The following RASA2 variants were observed in gnomAD, a reference collection of about 807,000 sequenced individuals.
RASA2 encodes the protein ras GTPase-activating protein 2.
In RASA2, 155 loss-of-function variants were observed where a neutral mutation model predicts 118.2. The observed-to-expected ratio is 1.31, with a 90% CI of 1.15 to 1.50. The LOEUF (loss-of-function observed/expected upper bound fraction) is 1.50, where lower values mean the gene tolerates loss of function less well. RASA2 is among the 40% of genes most tolerant of loss of function. The pLI, the probability that RASA2 is intolerant of heterozygous loss-of-function variation, is 0.00. For missense variants in RASA2, 1,016 were observed against 1,009.6 expected, an observed-to-expected ratio of 1.01 and a Z score of -0.09; for synonymous variants, 353 against 349.1, an observed-to-expected ratio of 1.01 and a Z score of -0.12.
chr3:141,507,398 G>T (rs1022886638), intron 1 of RASA2, among the ~76,000 whole-genome samples: 1 of 152,174 alleles, frequency 6.6e-6, no homozygotes, highest in African/African-American at 2.4e-5. Flanking sequence ...CAAGGCTGAA[G>T]AAACAGACTC....
intron 14 of RASA2, among the ~76,000 whole-genome samples, chr3:141,574,675 A>G (rs945090643): frequency 3.3e-5 from 5 of 152,364 alleles, no homozygotes; most frequent in Admixed American, 2.0e-4. Context: ...GTAACATTAT[A>G]TAAGTAAGCA....
chr3:141,543,876 CTTT>C (rs529631210), intron 5 of RASA2, among the ~76,000 whole-genome samples: 2 of 117,312 alleles, frequency 1.7e-5, no homozygotes, highest in Non-Finnish European at 1.7e-5. Context: ...TTTCTTTTTT[CTTT>C]TTTTTTTTTT....
intron 3 of RASA2, among the ~76,000 whole-genome samples, chr3:141,524,716 G>C (rs1284577008): frequency 6.6e-6 from 1 of 151,882 alleles, no homozygotes; most frequent in Non-Finnish European, 1.5e-5. Flanking sequence ...TCAGCCTCCC[G>C]AGTAGCTGGG....
rs796139626 is a variant in RASA2 at position 141,610,417 on chromosome 3, T to TA, written c.2519+351_2519+352insA. Among the ~76,000 whole-genome samples the TA allele has an allele frequency of 1.8e-4, 18 of 102,046 alleles. 1 individual carries two copies. Among genetic ancestry groups the TA allele is most frequent in the East Asian group, 3.4e-4 (1 of 2,936 alleles). 66.9% of individuals were successfully genotyped at this position (102,046 alleles called of 152,430 possible). Reference sequence around the variant, plus strand: ...TATATTTATATATTATATATTTATATTTATATATTATATATTTATATTTAT... The same window carrying TA: ...TATATTTATATATTATATATTTATATATTATATATTATATATTTATATTTAT... On this transcript the variant is annotated intron_variant, in intron 23 of 23. Coordinates refer to ENST00000286364, the MANE Select transcript of RASA2 (RefSeq NM_006506.5).
intron 1 of RASA2, among the ~76,000 whole-genome samples, chr3:141,500,923 G>GCT (rs2081769430): frequency 6.6e-6 from 1 of 151,838 alleles, no homozygotes; most frequent in African/African-American, 2.4e-5. Context: ...AGATTAACTG[G>GCT]CTAAGGAGTT....
At chr3:141,573,398 T>A (rs1442892037) in intron 13 of RASA2, among the ~76,000 whole-genome samples, 177 bp downstream of exon 13, 1 of 152,182 alleles carries the variant, frequency 6.6e-6, no homozygotes, top group African/African-American at 2.4e-5. Flanking sequence ...GAATGTTATT[T>A]CCTCAGTGGT....
At chr3:141,540,020 C>T (rs1439043066) in intron 4 of RASA2, among the ~76,000 whole-genome samples, 1 of 152,092 alleles carries the variant, frequency 6.6e-6, no homozygotes, top group East Asian at 1.9e-4. Context: ...CCCACAGTGC[C>T]TTCTGAAACA....
At chr3:141,502,675 G>T (rs1423060576) in intron 1 of RASA2, among the ~76,000 whole-genome samples, 2 of 152,056 alleles carry the variant, frequency 1.3e-5, no homozygotes, top group Non-Finnish European at 2.9e-5. Context: ...TATATATGAA[G>T]TCAATGAAAA....
At chr3:141,582,258 C>T (rs1003469305) in intron 17 of RASA2, among the ~76,000 whole-genome samples, 2 of 152,034 alleles carry the variant, frequency 1.3e-5, no homozygotes, top group African/African-American at 4.8e-5. Context: ...AAATTCAAGT[C>T]CGTTGGAATA....
intron 2 of RASA2, among the ~76,000 whole-genome samples, chr3:141,513,746 A>T (rs1280549779): frequency 1.3e-5 from 2 of 152,216 alleles, no homozygotes; most frequent in African/African-American, 4.8e-5. Flanking sequence ...ACAAGATCAG[A>T]TATGACTTCT....
intron 5 of RASA2, 109 bp from the exon 6 acceptor site, chr3:141,553,748 A>G: frequency 1.3e-6 from 2 of 1,488,916 alleles, no homozygotes; most frequent in South Asian, 2.9e-5. Context: ...CTGCAGACAC[A>G]TGGAAAACAA....
intron 2 of RASA2, among the ~76,000 whole-genome samples, chr3:141,513,732 C>T (rs73869653): frequency 0.013 from 1,998 of 152,270 alleles, 33 homozygotes; most frequent in African/African-American, 0.046. Context: ...CAACTGTTTT[C>T]TAGACAAGAT....
intron 6 of RASA2, among the ~76,000 whole-genome samples, chr3:141,554,602 A>G (rs2082621062): frequency 6.6e-6 from 1 of 152,242 alleles, no homozygotes; most frequent in Non-Finnish European, 1.5e-5. Context: ...AGAATCAGGA[A>G]GCAAGAAACA....
intron 14 of RASA2, 31 bp from the exon 15 acceptor site, chr3:141,576,969 T>C (rs1328789194): frequency 2.9e-6 from 4 of 1,374,064 alleles, no homozygotes; most frequent in Non-Finnish European, 4.1e-6. Context: ...ATTGTTTTTG[T>C]GCATGACATT....
chr3:141,556,417 G>C (rs2082651028), intron 7 of RASA2, among the ~76,000 whole-genome samples: 1 of 152,108 alleles, frequency 6.6e-6, no homozygotes, highest in Non-Finnish European at 1.5e-5. Flanking sequence ...AAGACCCAAA[G>C]CATGTGAGAA....
chr3:141,507,357 A>T (rs528804983), intron 1 of RASA2, among the ~76,000 whole-genome samples: 5 of 152,260 alleles, frequency 3.3e-5, no homozygotes, highest in Non-Finnish European at 7.3e-5. Context: ...GCTTTAATAA[A>T]AAAATTTTAA....
Position 141,614,562 on chromosome 3 carries a change from C to CT in RASA2, c.*2250dup, listed in dbSNP as rs2083699661. The CT allele has an allele frequency of 6.6e-6, 1 of 152,102 alleles. No individual in the cohort carries two copies. The highest frequency in any genetic ancestry group is 1.5e-5 in the Non-Finnish European group (1 of 68,012). 9.4% of individuals were successfully genotyped at this position (152,102 alleles called of 1,614,324 possible). ...AATATACAAGGCAGCTCACTTCATC[C>CT]TAAAAACCTAAAAACTCCAGGAAGG... is the stretch of plus-strand genomic sequence containing the variant. On this transcript the variant is annotated 3_prime_UTR_variant, in exon 24 of 24. Coordinates refer to ENST00000286364, the MANE Select transcript of RASA2 (RefSeq NM_006506.5).
chr3:141,540,560 A>G lies in RASA2; in HGVS notation c.478A>G (p.Asn160Asp). 1 of 1,612,942 alleles carries G rather than the reference A, an allele frequency of 6.2e-7. No homozygotes were observed. ...QGKVHLELKL[N>D]ELITENGTVC... is the part of the protein sequence containing the mutation. Reference sequence around the variant, plus strand: ...TAAAGTTCACCTTGAATTAAAACTGAATGAACTGATAACGGAGAATGGAAC... The same window carrying G: ...TAAAGTTCACCTTGAATTAAAACTGGATGAACTGATAACGGAGAATGGAAC... Residue 160 changes from asparagine to aspartate, a missense_variant, in exon 5 of 24, where the codon AAT becomes GAT. Asn to Asp is a conservative substitution (Grantham distance 23). This residue lies in a region of RASA2 where 896 missense variants were observed against 836.4 expected (regional missense o/e 1.07). Coordinates refer to ENST00000286364, the MANE Select transcript of RASA2 (RefSeq NM_006506.5).
intron 3 of RASA2, among the ~76,000 whole-genome samples, chr3:141,520,647 CATAT>C (rs35556356): frequency 1.3e-5 from 2 of 151,506 alleles, no homozygotes; most frequent in Non-Finnish European, 2.9e-5. Context: ...GTTACATACA[CATAT>C]ATATATGCAC....
Sources: gnomAD v4.1 joint callset for allele counts (sites outside exome capture counted in the v4.1 genomes callset) on GRCh38, gnomAD v4.1.1 for gene constraint, gnomAD v4.1.1 regional missense constraint, MANE v1.5 for transcripts, NCBI Gene and HGNC (gene_info 2026-07-23, HGNC 2026-07-21) for gene names.